Variants in ZNF248 observed in about 807,000 individuals in gnomAD.
ZNF248 encodes the protein zinc finger protein 248.
ZNF248 carries 20 observed loss-of-function variants against 44.3 expected under a neutral mutation model. That is an observed-to-expected ratio of 0.45 (90% confidence interval 0.32 to 0.66). The LOEUF (loss-of-function observed/expected upper bound fraction) is 0.66, where lower values mean the gene tolerates loss of function less well. ZNF248 is among the 30% of genes least tolerant of loss of function. The pLI is 0.04. For missense variants in ZNF248, 654 were observed against 677.0 expected, an observed-to-expected ratio of 0.97 and a Z score of 0.38; for synonymous variants, 224 against 229.0, an observed-to-expected ratio of 0.98 and a Z score of 0.20.
chr10:37,813,208 G>A (rs553531500), intron 6 of ZNF248, among the ~76,000 whole-genome samples: 2 of 152,252 alleles, frequency 1.3e-5, no homozygotes, highest in South Asian at 2.1e-4. Flanking sequence ...AAACAATGTC[G>A]TAAAACAAAC....
At chr10:37,837,488 G>A in intron 5 of ZNF248, 129 bp downstream of exon 5, 1 of 707,248 alleles carries the variant, frequency 1.4e-6, no homozygotes, top group Non-Finnish European at 2.3e-6. Context: ...AATTGTTTTT[G>A]ATCATTTCCA....
intron 5 of ZNF248, among the ~76,000 whole-genome samples, chr10:37,834,638 T>C (rs1006551186): frequency 6.6e-6 from 1 of 152,148 alleles, no homozygotes; most frequent in African/African-American, 2.4e-5. Context: ...CAGGTCTAAG[T>C]TTTTGGCATA....
downstream of ZNF248, among the ~76,000 whole-genome samples, chr10:37,827,238 G>A (rs1208723): frequency 0.06 from 9,120 of 152,244 alleles, 355 homozygotes; most frequent in Middle Eastern, 0.095. Flanking sequence ...AAGAAATTCT[G>A]AACTCTTCTT....
the ZNF248 span, among the ~76,000 whole-genome samples, chr10:37,770,909 T>A: frequency 6.6e-6 from 1 of 152,106 alleles, no homozygotes; most frequent in Non-Finnish European, 1.5e-5. Flanking sequence ...TACAATGAAC[T>A]GAAGCAAATT....
At chr10:37,856,186 T>C in intron 3 of ZNF248, 110 bp downstream of exon 3, 1 of 1,256,628 alleles carries the variant, frequency 8.0e-7, no homozygotes, top group East Asian at 2.4e-5. Context: ...TTATTTCCCT[T>C]AATGTCAATT....
At chr10:37,855,499 G>C (rs1325183934) in intron 3 of ZNF248, among the ~76,000 whole-genome samples, 2 of 152,178 alleles carry the variant, frequency 1.3e-5, no homozygotes, top group African/African-American at 4.8e-5. Flanking sequence ...AGTAGGCTAA[G>C]GATGGAAATG....
intron 6 of ZNF248, among the ~76,000 whole-genome samples, chr10:37,813,290 C>A (rs2051856355): frequency 6.6e-6 from 1 of 152,162 alleles, no homozygotes; most frequent in Non-Finnish European, 1.5e-5. Context: ...TGACATGGAC[C>A]CTTTTATAAT....
At chr10:37,778,780 G>GA (rs1050100972) in intron 6 of ZNF248, among the ~76,000 whole-genome samples, 63 of 151,652 alleles carry the variant, frequency 4.2e-4, no homozygotes, top group African/African-American at 1.4e-3. Flanking sequence ...GACTAATAAA[G>GA]AAAAAAAGAG....
downstream of ZNF248, among the ~76,000 whole-genome samples, chr10:37,775,076 GT>G (rs2046475383): frequency 6.6e-6 from 1 of 152,154 alleles, no homozygotes; most frequent in Admixed American, 6.6e-5. Flanking sequence ...GGCCTCTTTT[GT>G]TTATTCTTAC....
chr10:37,811,078 A>G (rs1218638917), intron 6 of ZNF248, among the ~76,000 whole-genome samples: 2 of 152,224 alleles, frequency 1.3e-5, no homozygotes, highest in African/African-American at 4.8e-5. Flanking sequence ...ACCCATATGA[A>G]GTACCACTAG....
chr10:37,818,489 C>T (rs1177708524), intron 6 of ZNF248: 2 of 211,862 alleles, frequency 9.4e-6, no homozygotes, highest in Non-Finnish European at 1.9e-5. Flanking sequence ...ACAAAATAAG[C>T]ACCTGGTTCA....
At chr10:37,795,549 T>C (rs1471985204) in intron 6 of ZNF248, 2 of 152,174 alleles carry the variant, frequency 1.3e-5, no homozygotes, top group African/African-American at 2.4e-5. Flanking sequence ...TAAAAGTCTT[T>C]TCCATATTCA....
downstream of ZNF248, among the ~76,000 whole-genome samples, chr10:37,825,566 G>A (rs2133749862): frequency 6.6e-6 from 1 of 152,184 alleles, no homozygotes; most frequent in African/African-American, 2.4e-5. Flanking sequence ...AGCCTCCAAA[G>A]TTAACTGAGA....
At chr10:37,843,259 A>G (rs2058672281) in intron 3 of ZNF248, among the ~76,000 whole-genome samples, 2 of 151,918 alleles carry the variant, frequency 1.3e-5, no homozygotes, top group South Asian at 4.2e-4. Flanking sequence ...TCTCTACTAA[A>G]AAAAGAAATA....
intron 6 of ZNF248, among the ~76,000 whole-genome samples, chr10:37,810,870 A>T (rs1422022794): frequency 6.6e-6 from 1 of 152,216 alleles, no homozygotes; most frequent in Non-Finnish European, 1.5e-5. Context: ...CTACTATAAT[A>T]ATTTCAGAGC....
chr10:37,783,213 G>GAAT (rs2047514776), intron 6 of ZNF248, among the ~76,000 whole-genome samples: 1 of 152,068 alleles, frequency 6.6e-6, no homozygotes, highest in African/African-American at 2.4e-5. Flanking sequence ...TTACAGCCAA[G>GAAT]AATACCTAGC....
chr10:37,856,727 G>C (rs1195134610), intron 1 of ZNF248, 195 bp from the exon 2 acceptor site: 34 of 988,812 alleles, frequency 3.4e-5, no homozygotes, highest in Non-Finnish European at 4.1e-5. Context: ...TCTAAAAAAA[G>C]GGATAGGATG....
At chr10:37,849,697 T>A (rs934506952) in intron 3 of ZNF248, among the ~76,000 whole-genome samples, 4 of 150,216 alleles carry the variant, frequency 2.7e-5, no homozygotes, top group East Asian at 2.0e-4. Flanking sequence ...AAAAAAAAAA[T>A]TTTTCAAAGA....
chr10:37,833,779 G>A (rs2056495526), intron 5 of ZNF248, among the ~76,000 whole-genome samples: 1 of 152,072 alleles, frequency 6.6e-6, no homozygotes, highest in African/African-American at 2.4e-5. Flanking sequence ...ACTAGGGAAG[G>A]TGAAATAAAC....
Sources: gnomAD v4.1 joint callset for allele counts (sites outside exome capture counted in the v4.1 genomes callset) on GRCh38, gnomAD v4.1.1 for gene constraint, MANE v1.5 for transcripts, NCBI Gene and HGNC (gene_info 2026-07-23, HGNC 2026-07-21) for gene names.